Variants in TXNDC16 observed in about 807,000 individuals in gnomAD.
The protein encoded by TXNDC16 is thioredoxin domain containing 16.
In TXNDC16, 74 loss-of-function variants were observed where a neutral mutation model predicts 85.6. That is an observed-to-expected ratio of 0.86 (90% confidence interval 0.72 to 1.05). TXNDC16 has a LOEUF of 1.05. Among genes scored for constraint, TXNDC16 ranks in the 50% least tolerant of loss-of-function variants. The probability of loss-of-function intolerance (pLI) is 0.00; values close to 1 mark genes in which losing one functional copy is unlikely to be tolerated. For synonymous variants in TXNDC16, 335 were observed against 326.5 expected, an observed-to-expected ratio of 1.03 and a Z score of -0.28; for missense variants, 959 against 947.0, an observed-to-expected ratio of 1.01 and a Z score of -0.17.
At chr14:52,483,146 TGCTTCCTGACCTAGAAG>T (rs1268362422) in intron 12 of TXNDC16, among the ~76,000 whole-genome samples, 181 bp from the exon 13 acceptor site, 3 of 152,212 alleles carry the variant, frequency 2.0e-5, no homozygotes, top group Non-Finnish European at 4.4e-5. Flanking sequence ...GACTCTGAGA[TGCTTCCTGACCTAGAAG>T]TTGGGAAGTT....
At chr14:52,515,561 T>C (rs553464347) in intron 7 of TXNDC16, among the ~76,000 whole-genome samples, 44 of 152,102 alleles carry the variant, frequency 2.9e-4, no homozygotes, top group African/African-American at 8.4e-4. Flanking sequence ...GGCATATTAA[T>C]AGCCACTCCC....
intron 6 of TXNDC16, among the ~76,000 whole-genome samples, chr14:52,530,443 TA>T (rs2037513854): frequency 2.9e-4 from 5 of 16,954 alleles, no homozygotes; most frequent in Admixed American, 1.3e-3. Flanking sequence ...ATATATAATA[TA>T]TTATTATATA....
At chr14:52,479,099 G>A (rs2036085683) in intron 14 of TXNDC16, among the ~76,000 whole-genome samples, 2 of 152,010 alleles carry the variant, frequency 1.3e-5, no homozygotes, top group South Asian at 2.1e-4. Context: ...AAAAGCATTC[G>A]ATAAAATCCA....
intron 1 of TXNDC16, among the ~76,000 whole-genome samples, chr14:52,546,478 G>C (rs545964971): frequency 6.6e-6 from 1 of 152,062 alleles, no homozygotes; most frequent in Non-Finnish European, 1.5e-5. Flanking sequence ...AGTTAGTTAC[G>C]ACCACCAGAT....
chr14:52,535,736 T>C (rs2037685160), intron 6 of TXNDC16, among the ~76,000 whole-genome samples: 1 of 152,120 alleles, frequency 6.6e-6, no homozygotes. Context: ...AAACTTAAAC[T>C]TTCTCTCAGT....
chr14:52,540,353 G>A (rs767195886), intron 4 of TXNDC16, among the ~76,000 whole-genome samples: 4 of 152,272 alleles, frequency 2.6e-5, no homozygotes, highest in East Asian at 3.9e-4. Flanking sequence ...GGCTAGGCGC[G>A]GTGGCTCATG....
At chr14:52,478,892 G>C (rs1204617558) in intron 14 of TXNDC16, among the ~76,000 whole-genome samples, 3 of 152,110 alleles carry the variant, frequency 2.0e-5, no homozygotes, top group Non-Finnish European at 2.9e-5. Flanking sequence ...TATCCCTGAT[G>C]AACATAGATG....
intron 4 of TXNDC16, among the ~76,000 whole-genome samples, chr14:52,540,852 T>C (rs527974991): frequency 1.3e-3 from 204 of 152,288 alleles, no homozygotes; most frequent in Admixed American, 3.0e-3. Flanking sequence ...CAGCACTGGG[T>C]GGTGGGAACT....
chr14:52,513,033 T>C (rs960024216), intron 8 of TXNDC16, among the ~76,000 whole-genome samples: 1 of 152,140 alleles, frequency 6.6e-6, no homozygotes, highest in Non-Finnish European at 1.5e-5. Context: ...TAATGGATTG[T>C]GACATGTATG....
chr14:52,509,554 A>G (rs2036904147), intron 9 of TXNDC16, among the ~76,000 whole-genome samples: 1 of 151,844 alleles, frequency 6.6e-6, no homozygotes, highest in African/African-American at 2.4e-5. Context: ...TTAAAGAACT[A>G]ATGGGTGCAG....
At chr14:52,530,380 A>AT (rs2037500169) in intron 6 of TXNDC16, among the ~76,000 whole-genome samples, 2 of 31,852 alleles carry the variant, frequency 6.3e-5, no homozygotes, top group African/African-American at 3.7e-4. Flanking sequence ...ATATAATATT[A>AT]TATATAATAT....
intron 6 of TXNDC16, among the ~76,000 whole-genome samples, chr14:52,530,156 A>G (rs1456284136): frequency 6.8e-5 from 3 of 43,938 alleles, no homozygotes; most frequent in African/African-American, 2.7e-4. Flanking sequence ...TTTATATATA[A>G]TTTATATATA....
At chr14:52,438,109 G>C (rs1018703496) in intron 20 of TXNDC16, among the ~76,000 whole-genome samples, 1 of 152,196 alleles carries the variant, frequency 6.6e-6, no homozygotes, top group African/African-American at 2.4e-5. Context: ...AATAAGCAAG[G>C]AAAGCGGTTT....
At chr14:52,481,432 TATAA>T (rs2036148867) in intron 14 of TXNDC16, among the ~76,000 whole-genome samples, 1 of 152,180 alleles carries the variant, frequency 6.6e-6, no homozygotes, top group African/African-American at 2.4e-5. Context: ...AGCTTCAATG[TATAA>T]ATAAGTTGTA....
intron 6 of TXNDC16, among the ~76,000 whole-genome samples, chr14:52,532,737 G>A (rs963628077): frequency 6.6e-6 from 1 of 151,886 alleles, no homozygotes; most frequent in African/African-American, 2.4e-5. Context: ...CACCCAGCCA[G>A]TTCAAATCTA....
At chr14:52,501,785 T>C (rs1270679320) in intron 9 of TXNDC16, among the ~76,000 whole-genome samples, 3 of 152,184 alleles carry the variant, frequency 2.0e-5, no homozygotes, top group African/African-American at 4.8e-5. Flanking sequence ...TAAAAGTGTT[T>C]GGCGTGACTC....
At chr14:52,449,301 C>A (rs1289398836) in intron 18 of TXNDC16, among the ~76,000 whole-genome samples, 1 of 151,940 alleles carries the variant, frequency 6.6e-6, no homozygotes, top group Non-Finnish European at 1.5e-5. Flanking sequence ...AGTCGTTATA[C>A]TGATATCAGA....
chr14:52,531,912 A>AT (rs1256816204), intron 6 of TXNDC16, among the ~76,000 whole-genome samples: 13 of 152,078 alleles, frequency 8.5e-5, no homozygotes, highest in Non-Finnish European at 1.6e-4. Context: ...ATATACTGGG[A>AT]TTTTCTGTAC....
intron 14 of TXNDC16, among the ~76,000 whole-genome samples, chr14:52,480,982 T>TATGTATATATATATATATATATATAC (rs2036137169): frequency 1.1e-5 from 1 of 91,626 alleles, no homozygotes; most frequent in African/African-American, 4.3e-5. Context: ...TATGTATATA[T>TATGTATATATATATATATATATATAC]ATATATATAT....
Sources: gnomAD v4.1 joint callset for allele counts (sites outside exome capture counted in the v4.1 genomes callset) on GRCh38, gnomAD v4.1.1 for gene constraint, MANE v1.5 for transcripts, NCBI Gene and HGNC (gene_info 2026-07-23, HGNC 2026-07-21) for gene names.